ZNF480: variants seen among roughly 807,000 people sequenced by gnomAD.
The protein encoded by ZNF480 is zinc finger protein 480.
A neutral mutation model predicts 14.4 loss-of-function variants in ZNF480; 15 were observed. The observed-to-expected ratio is 1.04, with a 90% CI of 0.70 to 1.60. The LOEUF is 1.60. Among genes scored for constraint, ZNF480 ranks in the 40% most tolerant of loss-of-function variants. The probability of loss-of-function intolerance (pLI) is 0.00; values close to 1 mark genes in which losing one functional copy is unlikely to be tolerated. For missense variants in ZNF480, 593 were observed against 629.7 expected (o/e 0.94, Z 0.62); for synonymous variants, 218 against 215.5 (o/e 1.01, Z -0.10).
intron 2 of ZNF480, among the ~76,000 whole-genome samples, chr19:52,311,161 A>G (rs1010678369): frequency 1.3e-5 from 2 of 152,024 alleles, no homozygotes; most frequent in Non-Finnish European, 2.9e-5. Flanking sequence ...TGTAAATACC[A>G]AATAGATAAA....
Position 52,314,225 on chromosome 19 carries a change from A to G in ZNF480, c.145A>G (p.Arg49Gly), listed in dbSNP as rs1983434475. 6.3e-7 allele frequency: 1 copy of G among 1,583,764 alleles called. No individual in the cohort carries two copies. Among genetic ancestry groups the G allele is most frequent in the Non-Finnish European group, 8.6e-7 (1 of 1,160,940 alleles). Reference protein sequence around the residue: ...AEWKCLDPAQRALYKDVMLEN... With the variant: ...AEWKCLDPAQGALYKDVMLEN... Reference sequence around the variant, plus strand: ...GTGGAAATGCCTGGACCCTGCACAGAGGGCTTTATACAAGGATGTGATGTT... The same window carrying G: ...GTGGAAATGCCTGGACCCTGCACAGGGGGCTTTATACAAGGATGTGATGTT... The change falls in exon 3 of 5, where the codon AGG (arginine) becomes GGG (glycine). Residue 49 changes from arginine to glycine, a missense_variant. Coordinates refer to ENST00000595962, the MANE Select transcript of ZNF480 (RefSeq NM_144684.4).
intron 2 of ZNF480, among the ~76,000 whole-genome samples, chr19:52,304,116 A>G (rs1338318097): frequency 6.6e-6 from 1 of 152,232 alleles, no homozygotes; most frequent in African/African-American, 2.4e-5. Flanking sequence ...AGTCTGACAA[A>G]TTGTTGGACA....
intron 2 of ZNF480, among the ~76,000 whole-genome samples, chr19:52,306,152 A>G (rs1025000050): frequency 1.3e-5 from 2 of 152,144 alleles, no homozygotes; most frequent in African/African-American, 2.4e-5. Context: ...TTTTCCCCTA[A>G]TAGGTCACAG....
intron 2 of ZNF480, chr19:52,301,126 C>G (rs1982672011): frequency 6.6e-6 from 1 of 152,650 alleles, no homozygotes. Context: ...GTGACAAAGG[C>G]AAAGGCTGCT....
In ZNF480 at chr19:52,321,874, T is replaced by C. The variant is rs1983834078; in HGVS notation, c.624T>C (p.His208=). ...AAAAACCTTATGAATGTAATGAGCATAGCAAAGTCTTTAGAGTATCTTCCA... is the reference window on the plus strand; with the variant it reads ...AAAAACCTTATGAATGTAATGAGCACAGCAAAGTCTTTAGAGTATCTTCCA... ...LREKPYECNE[H]SKVFRVSSSL... is the part of the protein sequence containing the mutation. Residue 208 remains histidine, a synonymous_variant, in exon 5 of 5, where the codon CAT becomes CAC. Transcript: ENST00000595962. The C allele has an allele frequency of 6.2e-7, 1 of 1,614,152 alleles. No homozygotes were observed. Among genetic ancestry groups the C allele is most frequent in the African/African-American group, 1.3e-5 (1 of 75,058 alleles).
In ZNF480 at chr19:52,321,614, A is replaced by G; in HGVS notation, c.364A>G (p.Lys122Glu). ...TGCATTGGGAAGCAATGCAGAAGACAAACCAATTAAAAAACAACTTGGAGT... is the reference window on the plus strand; with the variant it reads ...TGCATTGGGAAGCAATGCAGAAGACGAACCAATTAAAAAACAACTTGGAGT... ...SYALGSNAED[K>E]PIKKQLGVSF... The change falls in exon 5 of 5, where the codon AAA becomes GAA. Residue 122 changes from lysine to glutamate, a missense_variant. Physicochemically the swap from Lys to Glu is moderately conservative, Grantham distance 56. Transcript: ENST00000595962. The G allele has an allele frequency of 6.2e-7, 1 of 1,607,436 alleles. No homozygotes were observed. Among genetic ancestry groups the G allele is most frequent in the South Asian group, 1.1e-5 (1 of 90,028 alleles).
intron 2 of ZNF480, among the ~76,000 whole-genome samples, chr19:52,304,505 A>C (rs1264313173): frequency 6.6e-6 from 1 of 152,078 alleles, no homozygotes; most frequent in Admixed American, 6.6e-5. Context: ...CTCTTTACTT[A>C]GCGGCCATTG....
Position 52,314,159 on chromosome 19 carries a change from T to C in ZNF480, c.79T>C (p.Leu27=). 6.4e-7 allele frequency: 1 copy of C among 1,567,104 alleles called. No individual in the cohort carries two copies. The highest frequency in any genetic ancestry group is 8.7e-7 in the Non-Finnish European group (1 of 1,150,144). Residue 27 remains leucine (L), a synonymous_variant, in exon 3 of 5, where the codon TTA becomes CTA. Coordinates refer to ENST00000595962, the MANE Select transcript of ZNF480 (RefSeq NM_144684.4). ...ESGMALPQGH[L]TFRDVAIEFS... is the part of the protein sequence containing the mutation. ...AATGTGGTTTTCATTTTAGGGACAC[T>C]TAACATTCAGGGACGTGGCCATAGA...
At chr19:52,314,384 C>T in intron 3 of ZNF480, 105 bp downstream of exon 3, 2 of 1,113,974 alleles carry the variant, frequency 1.8e-6, no homozygotes, top group South Asian at 1.9e-5. Context: ...TGACATTAAG[C>T]AGGAGAATCA....
chr19:52,306,695 A>G (rs1030059973), intron 2 of ZNF480, among the ~76,000 whole-genome samples: 6 of 152,202 alleles, frequency 3.9e-5, no homozygotes, highest in African/African-American at 1.4e-4. Context: ...TAAGTATTTT[A>G]AAAGGAAAAG....
At chr19:52,305,439 A>G (rs1300985270) in intron 2 of ZNF480, among the ~76,000 whole-genome samples, 2 of 152,150 alleles carry the variant, frequency 1.3e-5, no homozygotes, top group African/African-American at 2.4e-5. Flanking sequence ...AGTTCATAGC[A>G]CAGGAGCTTC....
rs369743346 is a variant in ZNF480, at chr19:52,300,516, C to T, written c.72+32C>T. ...TGATATTCTCGGTGGATTGTTCTGT[C>T]TCCTTTCTTTCAGAAACGCTGGGCC... is the stretch of plus-strand genomic sequence containing the variant. On this transcript the variant is annotated intron_variant, in intron 2 of 4. Coordinates refer to ENST00000595962, the MANE Select transcript of ZNF480 (RefSeq NM_144684.4). 1.4e-4 allele frequency: 222 copies of T among 1,607,146 alleles called. 4 individuals are homozygous for T. The Middle Eastern group carries it at 5.1e-3, about 37-fold the overall frequency.
At chr19:52,313,874 G>A in intron 2 of ZNF480, 1 of 394,726 alleles carries the variant, frequency 2.5e-6, no homozygotes, top group South Asian at 1.8e-5. Context: ...AGCTACTTGG[G>A]AGGCTGAGGC....
rs1247861965 is a variant in ZNF480, at chr19:52,323,305, A to C, written c.*447A>C. The C allele has an allele frequency of 6.5e-6, 1 of 152,982 alleles. No homozygotes were observed. Among genetic ancestry groups the C allele is most frequent in the Non-Finnish European group, 1.5e-5 (1 of 68,726 alleles). 9.5% of individuals were successfully genotyped at this position (152,982 alleles called of 1,614,324 possible). A position where few individuals can be genotyped will look rare whatever the true frequency, so the allele number is the denominator to read the frequency against. ...CAATAATGAGTTCCAAAATTTAATC[A>C]CTAATTAAAAATCTATCAAACAAAA... is the stretch of plus-strand genomic sequence containing the variant. On this transcript the variant is annotated 3_prime_UTR_variant, in exon 5 of 5. Coordinates refer to ENST00000595962, the MANE Select transcript of ZNF480 (RefSeq NM_144684.4).
Position 52,322,050 on chromosome 19 carries a change from T to G in ZNF480, c.800T>G (p.Val267Gly). The G allele has an allele frequency of 6.2e-7, 1 of 1,613,730 alleles. No homozygotes were observed. Among genetic ancestry groups the G allele is most frequent in the South Asian group, 1.1e-5 (1 of 91,064 alleles). The change falls in exon 5 of 5, where the codon GTT becomes GGT. Residue 267 changes from valine to glycine, a missense_variant. Physicochemically the swap from Val to Gly is moderately radical, Grantham distance 109. Coordinates refer to ENST00000595962, the MANE Select transcript of ZNF480 (RefSeq NM_144684.4). ...TACAAATGTAATGTCTGTGGCAAGG[T>G]TTTTAGTTACAATTCAAACTTTGCA... ...KPYKCNVCGKVFSYNSNFARH... is the reference protein window; with the variant it reads ...KPYKCNVCGKGFSYNSNFARH...
Position 52,321,821 on chromosome 19 carries a change from CCA to C in ZNF480, c.574_575del (p.Gln192ArgfsTer7). On this transcript the variant is annotated frameshift_variant, in exon 5 of 5. Coordinates refer to ENST00000595962, the MANE Select transcript of ZNF480 (RefSeq NM_144684.4). LOFTEE classifies it low-confidence loss of function (END_TRUNC). ...TGATTTTGATGATTCTTCATTTCTC[CCA>C]CAAGAACAGAAAGTACACCTTAGAG... ...RNDFDDSSFL[P>X]QEQKVHLREK... The C allele has an allele frequency of 6.2e-7, 1 of 1,613,838 alleles. No homozygotes were observed. The highest frequency in any genetic ancestry group is 8.5e-7 in the Non-Finnish European group (1 of 1,179,892).
Position 52,322,980 on chromosome 19 carries a change from C to A in ZNF480, c.*122C>A. 1 of 767,994 alleles carries A rather than the reference C, an allele frequency of 1.3e-6. No individual in the cohort carries two copies. Among genetic ancestry groups the A allele is most frequent in the Non-Finnish European group, 1.9e-6 (1 of 523,906 alleles). The allele number at this position is 767,994 out of a possible 1,614,324, so 47.6% of individuals were successfully genotyped here. On this transcript the variant is annotated 3_prime_UTR_variant, in exon 5 of 5. Coordinates refer to ENST00000595962, the MANE Select transcript of ZNF480 (RefSeq NM_144684.4). ...TAAAGAATATGACAAGGTCTTCAAA[C>A]ACAAGTTTTTCTAATAACTCATTAG...
In ZNF480 at chr19:52,322,263, C is replaced by T. The variant is rs1238289019; in HGVS notation, c.1013C>T (p.Thr338Ile). 1.2e-6 allele frequency: 2 copies of T among 1,613,974 alleles called. No individual in the cohort carries two copies. The highest frequency in any genetic ancestry group is 3.3e-5 in the Admixed American group (2 of 59,992). The change falls in exon 5 of 5, where the codon ACT becomes ATT. Residue 338 changes from threonine to isoleucine, a missense_variant. By Grantham distance (89) the Thr-to-Ile change is moderately conservative. Coordinates refer to ENST00000595962, the MANE Select transcript of ZNF480 (RefSeq NM_144684.4). ...CTAGCAAATCATTGGAGAATTTATA[C>T]TGGAGAGAAGCCTTACAAATGTGAT... ...SSLANHWRIY[T>I]GEKPYKCDEC...
chr19:52,307,855 G>A (rs1461546091), intron 2 of ZNF480, among the ~76,000 whole-genome samples: 2 of 152,196 alleles, frequency 1.3e-5, no homozygotes, highest in Non-Finnish European at 2.9e-5. Flanking sequence ...CAGGCCAGGT[G>A]TTCCTTGCCC....
Sources: allele counts gnomAD v4.1 joint callset (sites outside exome capture counted in the v4.1 genomes callset), GRCh38; gene constraint gnomAD v4.1.1; transcripts MANE v1.5; gene names NCBI Gene and HGNC (gene_info 2026-07-23, HGNC 2026-07-21).